ZBTB7C: variants seen among roughly 807,000 people sequenced by gnomAD.
ZBTB7C encodes the protein zinc finger and BTB domain containing 7C.
In ZBTB7C, 8 loss-of-function variants were observed where a neutral mutation model predicts 25.7. The observed-to-expected ratio is 0.31, with a 90% CI of 0.18 to 0.56. The LOEUF (loss-of-function observed/expected upper bound fraction) is 0.56, where lower values mean the gene tolerates loss of function less well. ZBTB7C is among the 20% of genes least tolerant of loss of function. The pLI is 0.91. For synonymous variants in ZBTB7C, 394 were observed against 369.0 expected (o/e 1.07, Z -0.78); for missense variants, 824 against 855.2 (o/e 0.96, Z 0.46).
At chr18:48,360,488 G>A (rs1347984047) in intron 1 of ZBTB7C, among the ~76,000 whole-genome samples, 5 of 152,246 alleles carry the variant, frequency 3.3e-5, no homozygotes, top group South Asian at 2.1e-4. Context: ...TGAGAGGAGC[G>A]TGGGAAGAGA....
At chr18:48,320,931 A>G (rs2046076654) in intron 2 of ZBTB7C, among the ~76,000 whole-genome samples, 9 of 152,234 alleles carry the variant, frequency 5.9e-5, no homozygotes, top group Admixed American at 5.9e-4. Flanking sequence ...TGCCTCCCTG[A>G]GCTCCAACCA....
chr18:48,373,227 G>A (rs1312717875), intron 1 of ZBTB7C, among the ~76,000 whole-genome samples: 4 of 151,730 alleles, frequency 2.6e-5, no homozygotes, highest in Admixed American at 2.0e-4. Flanking sequence ...GGCTTGGTAC[G>A]GTCTTTGTGA....
At position 48,027,562 on chromosome 18, in the gene ZBTB7C, G is replaced by C. The variant is rs951787762; in HGVS notation, c.*1698C>G. ...GAGGGTGTGTGTAGCAATCCTGCTGGCTGGAGTGGCATCCGGTGGTGTGAA... is the reference window on the plus strand; with the variant it reads ...GAGGGTGTGTGTAGCAATCCTGCTGCCTGGAGTGGCATCCGGTGGTGTGAA... On this transcript the variant is annotated 3_prime_UTR_variant, in exon 5 of 5. Transcript: ENST00000590800. 4 of 152,276 alleles carry C rather than the reference G, an allele frequency of 2.6e-5. No individual in the cohort carries two copies. Among genetic ancestry groups the C allele is most frequent in the Non-Finnish European group, 5.9e-5 (4 of 68,086 alleles). 9.4% of individuals were successfully genotyped at this position (152,276 alleles called of 1,614,324 possible).
rs377406649 is a variant in ZBTB7C, at chr18:48,037,139, A to G, written c.1208+2761T>C. 1.1e-3 allele frequency among the ~76,000 whole-genome samples: 174 copies of G among 152,342 alleles called. 3 individuals are homozygous for G. Among genetic ancestry groups the G allele is most frequent in the African/African-American group, 3.9e-3 (163 of 41,584 alleles). On this transcript the variant is annotated intron_variant, in intron 4 of 4. Coordinates refer to ENST00000590800, the MANE Select transcript of ZBTB7C (RefSeq NM_001318841.2). ...GGGTTTCTCTCCTCCTGGGAAGAGA[A>G]GGACCCAAGAGCTTGTCTGATCTTT...
At chr18:48,308,952 G>A (rs1381177834) in intron 2 of ZBTB7C, among the ~76,000 whole-genome samples, 19 of 152,162 alleles carry the variant, frequency 1.2e-4, no homozygotes, top group Admixed American at 1.2e-3. Context: ...CTCCCCTCAG[G>A]GTGAGGCTGG....
At position 48,029,836 on chromosome 18, in the gene ZBTB7C, C is replaced by G. The variant is rs141303808; in HGVS notation, c.1284G>C (p.Lys428Asn). Reference sequence around the variant, plus strand: ...TCTTGAGGTCGTAGTTGTGCACGAACTTGGCGTTGCAGTGGATGCACAGGT... The same window carrying G: ...TCTTGAGGTCGTAGTTGTGCACGAAGTTGGCGTTGCAGTGGATGCACAGGT... ...RPYLCIHCNA[K>N]FVHNYDLKNH... The change falls in exon 5 of 5, where the codon AAG becomes AAC. Residue 428 changes from lysine to asparagine, a missense_variant. Physicochemically the swap from Lys to Asn is moderately conservative, Grantham distance 94. This residue lies in a region of ZBTB7C where 342 missense variants were observed against 307.0 expected (regional missense o/e 1.11). Transcript: ENST00000590800. 17 of 1,610,246 alleles carry G rather than the reference C, an allele frequency of 1.1e-5. No individual in the cohort carries two copies. The highest frequency in any genetic ancestry group is 1.4e-5 in the Non-Finnish European group (17 of 1,180,002).
intron 3 of ZBTB7C, among the ~76,000 whole-genome samples, chr18:48,166,999 C>T (rs1005984191): frequency 1.3e-5 from 2 of 152,156 alleles, no homozygotes; most frequent in Non-Finnish European, 2.9e-5. Flanking sequence ...CAAAGCAGAG[C>T]CTGCTCAGCC....
intron 3 of ZBTB7C, among the ~76,000 whole-genome samples, chr18:48,087,412 A>G (rs2144524667): frequency 6.6e-6 from 1 of 152,308 alleles, no homozygotes; most frequent in Non-Finnish European, 1.5e-5. Context: ...CTATGTTCTT[A>G]TGCTCATTAC....
intron 3 of ZBTB7C, among the ~76,000 whole-genome samples, chr18:48,127,883 G>C (rs1342318426): frequency 6.6e-6 from 1 of 152,214 alleles, no homozygotes; most frequent in Non-Finnish European, 1.5e-5. Context: ...GGAGAAGGGA[G>C]GGAGAAAGAG....
intron 3 of ZBTB7C, among the ~76,000 whole-genome samples, chr18:48,166,204 C>CAAA (rs35216444): frequency 0.66 from 99,824 of 151,648 alleles, 33,064 homozygotes; most frequent in Admixed American, 0.73. Context: ...TCAACCCAAA[C>CAAA]AACTCTGTAA....
intron 3 of ZBTB7C, among the ~76,000 whole-genome samples, chr18:48,128,188 C>T (rs759380233): frequency 2.6e-5 from 4 of 152,214 alleles, no homozygotes; most frequent in Admixed American, 6.5e-5. Context: ...ATGCCCCGAA[C>T]CGACTGCTCC....
At chr18:48,370,627 C>T (rs1342267219) in intron 1 of ZBTB7C, among the ~76,000 whole-genome samples, 1 of 152,106 alleles carries the variant, frequency 6.6e-6, no homozygotes, top group Non-Finnish European at 1.5e-5. Flanking sequence ...GCATGCAAAT[C>T]TACAATTATT....
chr18:48,282,937 A>T (rs1162106780), intron 2 of ZBTB7C, among the ~76,000 whole-genome samples: 3 of 152,216 alleles, frequency 2.0e-5, no homozygotes, highest in African/African-American at 7.2e-5. Flanking sequence ...TAGGCTCATG[A>T]GTATATTCAA....
At chr18:48,258,555 TAAAGATCTA>T (rs2044083269) in intron 2 of ZBTB7C, among the ~76,000 whole-genome samples, 1 of 152,126 alleles carries the variant, frequency 6.6e-6, no homozygotes, top group African/African-American at 2.4e-5. Context: ...GCCAGAAAAT[TAAAGATCTA>T]AATACACCAT....
chr18:48,218,977 C>G (rs552294335), intron 2 of ZBTB7C, among the ~76,000 whole-genome samples: 26 of 152,316 alleles, frequency 1.7e-4, no homozygotes, highest in African/African-American at 6.0e-4. Context: ...ACACAGGACC[C>G]TCACCCCATT....
intron 2 of ZBTB7C, among the ~76,000 whole-genome samples, chr18:48,290,559 T>G (rs1048999235): frequency 6.6e-6 from 1 of 152,190 alleles, no homozygotes; most frequent in Non-Finnish European, 1.5e-5. Flanking sequence ...TCCCCTGTGG[T>G]GTTTTTGAGG....
chr18:48,357,110 A>C (rs1233708590), intron 1 of ZBTB7C, among the ~76,000 whole-genome samples: 1 of 152,232 alleles, frequency 6.6e-6, no homozygotes, highest in Non-Finnish European at 1.5e-5. Context: ...ATATGTGCTA[A>C]GATTAATCTA....
At chr18:48,368,500 A>G (rs1444607128) in intron 1 of ZBTB7C, among the ~76,000 whole-genome samples, 1 of 152,202 alleles carries the variant, frequency 6.6e-6, no homozygotes, top group East Asian at 1.9e-4. Flanking sequence ...GTCTCAGAAG[A>G]AAAGGAGAAA....
At chr18:48,050,101 GGCTACCT>G (rs1354849347) in intron 3 of ZBTB7C, among the ~76,000 whole-genome samples, 2 of 152,186 alleles carry the variant, frequency 1.3e-5, no homozygotes, top group East Asian at 1.9e-4. Context: ...GTTGGGCAGC[GGCTACCT>G]GCGTTCTTTG....
Sources: gnomAD v4.1 joint callset for allele counts (sites outside exome capture counted in the v4.1 genomes callset) on GRCh38, gnomAD v4.1.1 for gene constraint, gnomAD v4.1.1 regional missense constraint, MANE v1.5 for transcripts, NCBI Gene and HGNC (gene_info 2026-07-23, HGNC 2026-07-21) for gene names.